Variants in ARB2A observed in about 807,000 individuals in gnomAD.
ARB2A encodes the protein cotranscriptional regulator ARB2A.
At chr5:94,050,713 G>A in the ARB2A span, 30 of 1,543,214 alleles carry the variant, frequency 1.9e-5, no homozygotes, top group Non-Finnish European at 2.4e-5. Flanking sequence ...CAAAGTTAAA[G>A]TAGTATATGT....
At chr5:93,938,372 A>G in the ARB2A span, among the ~76,000 whole-genome samples, 1 of 152,234 alleles carries the variant, frequency 6.6e-6, no homozygotes. Context: ...AAAATAATAA[A>G]CAGAATAGCA....
chr5:93,779,219 T>C, the ARB2A span, among the ~76,000 whole-genome samples: 365 of 152,134 alleles, frequency 2.4e-3, no homozygotes, highest in Admixed American at 5.2e-3. Context: ...TGCTATATGA[T>C]AGAGCATAAT....
chr5:93,971,609 T>TAAATAAAA, the ARB2A span, among the ~76,000 whole-genome samples: 684 of 150,346 alleles, frequency 4.5e-3, 3 homozygotes, highest in Non-Finnish European at 7.1e-3. Flanking sequence ...AATAAATAAA[T>TAAATAAAA]AAAACAAAAA....
chr5:93,731,165 C>T, the ARB2A span, among the ~76,000 whole-genome samples: 1 of 152,062 alleles, frequency 6.6e-6, no homozygotes, highest in African/African-American at 2.4e-5. Flanking sequence ...GTGTCCCCCA[C>T]CAAATTTATG....
At chr5:93,989,007 G>C in the ARB2A span, among the ~76,000 whole-genome samples, 1 of 152,250 alleles carries the variant, frequency 6.6e-6, no homozygotes, top group South Asian at 2.1e-4. Flanking sequence ...GGGAGAGGGA[G>C]AGTGAGATGC....
chr5:93,687,564 A>G, the ARB2A span, among the ~76,000 whole-genome samples: 2 of 152,246 alleles, frequency 1.3e-5, no homozygotes, highest in Non-Finnish European at 2.9e-5. Flanking sequence ...ACATACTACT[A>G]CATGAAAAAT....
the ARB2A span, among the ~76,000 whole-genome samples, chr5:93,812,333 T>C: frequency 5.9e-5 from 9 of 152,052 alleles, no homozygotes; most frequent in African/African-American, 1.9e-4. Flanking sequence ...ACAATGGTAA[T>C]ATATAGGCCA....
the ARB2A span, among the ~76,000 whole-genome samples, chr5:93,704,743 C>T: frequency 6.6e-6 from 1 of 152,366 alleles, no homozygotes; most frequent in Admixed American, 6.5e-5. Flanking sequence ...AGTGGTACCA[C>T]ACGGAGTGTG....
chr5:94,084,742 G>T, the ARB2A span, among the ~76,000 whole-genome samples: 3 of 151,996 alleles, frequency 2.0e-5, no homozygotes, highest in African/African-American at 7.2e-5. Flanking sequence ...TGACACAGAT[G>T]ACACCATCAT....
At chr5:93,735,461 A>G in the ARB2A span, 2 of 152,236 alleles carry the variant, frequency 1.3e-5, no homozygotes, top group African/African-American at 4.8e-5. Context: ...ATTTCTCCAC[A>G]TCTGTAGAGG....
At chr5:93,761,904 C>A in the ARB2A span, among the ~76,000 whole-genome samples, 10 of 152,358 alleles carry the variant, frequency 6.6e-5, no homozygotes, top group East Asian at 1.9e-3. Context: ...TCACCAATAT[C>A]TGCTGTTCTG....
the ARB2A span, among the ~76,000 whole-genome samples, chr5:94,011,956 AAAG>A: frequency 6.6e-6 from 1 of 150,456 alleles, no homozygotes; most frequent in Non-Finnish European, 1.5e-5. Flanking sequence ...AAAAAAAAAA[AAAG>A]ACGAGGCAAA....
chr5:93,988,073 T>C, the ARB2A span, among the ~76,000 whole-genome samples: 2 of 152,216 alleles, frequency 1.3e-5, no homozygotes, highest in Non-Finnish European at 2.9e-5. Context: ...ATTCATCAAG[T>C]CCCTCAAGCT....
the ARB2A span, among the ~76,000 whole-genome samples, chr5:93,955,460 A>G: frequency 3.9e-5 from 6 of 152,248 alleles, no homozygotes; most frequent in Non-Finnish European, 8.8e-5. Context: ...GAATATTATA[A>G]TCAAAGTAAG....
the ARB2A span, among the ~76,000 whole-genome samples, chr5:93,639,226 C>T: frequency 6.6e-6 from 1 of 152,172 alleles, no homozygotes; most frequent in Non-Finnish European, 1.5e-5. Flanking sequence ...GACTACTGGT[C>T]ATGAAAGTTC....
At chr5:93,791,813 T>C in the ARB2A span, among the ~76,000 whole-genome samples, 1 of 152,270 alleles carries the variant, frequency 6.6e-6, no homozygotes, top group African/African-American at 2.4e-5. Flanking sequence ...TGATTTATTA[T>C]TGCAGGCGGC....
chr5:94,011,990 C>G, the ARB2A span, among the ~76,000 whole-genome samples: 1 of 142,242 alleles, frequency 7.0e-6, no homozygotes, highest in African/African-American at 2.6e-5. Flanking sequence ...AATGAGCGTT[C>G]AGATAGGTAA....
the ARB2A span, among the ~76,000 whole-genome samples, chr5:93,711,303 C>T: frequency 6.8e-6 from 1 of 146,146 alleles, no homozygotes; most frequent in Admixed American, 7.0e-5. Flanking sequence ...AAAAAAATTT[C>T]TGATGGGGTA....
At chr5:94,029,833 A>G in the ARB2A span, among the ~76,000 whole-genome samples, 1 of 152,246 alleles carries the variant, frequency 6.6e-6, no homozygotes, top group Non-Finnish European at 1.5e-5. Flanking sequence ...GAAGAGCTGT[A>G]TAATGGCGTA....
Sources: gnomAD v4.1 joint callset for allele counts (sites outside exome capture counted in the v4.1 genomes callset) on GRCh38, gnomAD v4.1.1 for gene constraint, MANE v1.5 for transcripts, NCBI Gene and HGNC (gene_info 2026-07-23, HGNC 2026-07-21) for gene names.